The following ASIC2 variants were observed in gnomAD, a reference collection of about 807,000 sequenced individuals.
The protein encoded by ASIC2 is acid-sensing ion channel 2.
In ASIC2, 25 loss-of-function variants were observed where a neutral mutation model predicts 57.3. The ratio of observed to expected loss-of-function variants is 0.44; its 90% CI spans 0.32 to 0.61. The LOEUF is 0.61. Among genes scored for constraint, ASIC2 ranks in the 20% least tolerant of loss-of-function variants. The probability of loss-of-function intolerance (pLI) is 0.06; values close to 1 mark genes in which losing one functional copy is unlikely to be tolerated. For missense variants in ASIC2, 641 were observed against 738.1 expected (o/e 0.87, Z 1.52); for synonymous variants, 319 against 307.5 (o/e 1.04, Z -0.39).
intron 1 of ASIC2, among the ~76,000 whole-genome samples, chr17:33,513,424 T>C (rs1914483220): frequency 1.3e-5 from 2 of 152,264 alleles, no homozygotes; most frequent in South Asian, 4.1e-4. Context: ...CATTACTTTC[T>C]AGATAATGCA....
intron 1 of ASIC2, among the ~76,000 whole-genome samples, chr17:33,583,936 C>T (rs1904529820): frequency 6.6e-6 from 1 of 151,846 alleles, no homozygotes; most frequent in Non-Finnish European, 1.5e-5. Flanking sequence ...CAGACATGTT[C>T]TGGGCTCCTG....
At chr17:33,658,858 C>T (rs2142043187) in intron 1 of ASIC2, among the ~76,000 whole-genome samples, 1 of 152,146 alleles carries the variant, frequency 6.6e-6, no homozygotes, top group South Asian at 2.1e-4. Flanking sequence ...TTAAAATTAG[C>T]CAGCCATGGT....
At chr17:34,066,281 G>C (rs1182412743) in intron 1 of ASIC2, among the ~76,000 whole-genome samples, 1 of 152,200 alleles carries the variant, frequency 6.6e-6, no homozygotes, top group Non-Finnish European at 1.5e-5. Flanking sequence ...GGTTAATTAA[G>C]TCGTTCATCT....
At chr17:33,675,886 T>G (rs537965472) in intron 1 of ASIC2, among the ~76,000 whole-genome samples, 3 of 152,362 alleles carry the variant, frequency 2.0e-5, no homozygotes, top group African/African-American at 7.2e-5. Context: ...CTCATTTTAT[T>G]GCACTTTGCT....
intron 2 of ASIC2, among the ~76,000 whole-genome samples, chr17:33,097,100 T>A (rs1481892143): frequency 2.0e-5 from 3 of 152,230 alleles, no homozygotes; most frequent in Non-Finnish European, 4.4e-5. Context: ...GGCCTGTGCT[T>A]TTTGCCCCCT....
intron 3 of ASIC2, among the ~76,000 whole-genome samples, chr17:33,053,684 A>G (rs756579047): frequency 2.0e-5 from 3 of 152,008 alleles, no homozygotes; most frequent in Non-Finnish European, 4.4e-5. Context: ...AAAATCCAAA[A>G]TCCTTTTCTT....
chr17:33,726,694 G>A (rs984054554), intron 1 of ASIC2, among the ~76,000 whole-genome samples: 120 of 152,316 alleles, frequency 7.9e-4, no homozygotes, highest in African/African-American at 2.7e-3. Context: ...AACACTGGCA[G>A]TCTGGTCCAC....
intron 1 of ASIC2, among the ~76,000 whole-genome samples, chr17:33,123,532 C>T (rs960196117): frequency 6.6e-6 from 1 of 152,124 alleles, no homozygotes; most frequent in Non-Finnish European, 1.5e-5. Flanking sequence ...GATTACAACC[C>T]TATTCTTGCT....
chr17:34,032,640 T>G (rs1452785790), intron 1 of ASIC2, among the ~76,000 whole-genome samples: 1 of 152,258 alleles, frequency 6.6e-6, no homozygotes, highest in East Asian at 1.9e-4. Flanking sequence ...GAGACACACA[T>G]AGGCTCAAAA....
At chr17:33,453,481 G>A (rs570625857) in intron 1 of ASIC2, among the ~76,000 whole-genome samples, 2 of 152,262 alleles carry the variant, frequency 1.3e-5, no homozygotes, top group East Asian at 3.9e-4. Context: ...GGGATGTGAA[G>A]CGGAAGATGT....
At chr17:33,895,155 T>G (rs986622332) in intron 1 of ASIC2, among the ~76,000 whole-genome samples, 2 of 131,852 alleles carry the variant, frequency 1.5e-5, no homozygotes, top group African/African-American at 6.0e-5. Context: ...AGCATTGAAG[T>G]TTTTTTTGCT....
At chr17:34,033,888 A>C (rs1312739863) in intron 1 of ASIC2, among the ~76,000 whole-genome samples, 1 of 152,200 alleles carries the variant, frequency 6.6e-6, no homozygotes, top group African/African-American at 2.4e-5. Context: ...CAACCAAAAA[A>C]AGTCCAGGAC....
At chr17:33,305,122 T>C (rs1179469112) in intron 1 of ASIC2, among the ~76,000 whole-genome samples, 1 of 152,226 alleles carries the variant, frequency 6.6e-6, no homozygotes. Flanking sequence ...GGCATGGTGC[T>C]AGGAACTTTG....
intron 1 of ASIC2, among the ~76,000 whole-genome samples, chr17:33,269,578 G>A (rs1481764555): frequency 1.3e-5 from 2 of 150,926 alleles, no homozygotes; most frequent in African/African-American, 2.4e-5. Flanking sequence ...TGGTTTTTAA[G>A]GTCTTTCATT....
Position 33,899,148 on chromosome 17 carries a change from C to G in ASIC2, c.555+256830G>C, listed in dbSNP as rs1432445566. Among the ~76,000 whole-genome samples the G allele has an allele frequency of 6.7e-5, 10 of 148,442 alleles. No individual in the cohort carries two copies. The East Asian group carries it at 2.0e-3, about 29-fold the overall frequency. ...ATCTCAGGAAAAAAAAAAAAAAGCT[C>G]TAAAGGAACTCCCCAAGAGAAGTTG... On this transcript the variant is annotated intron_variant, in intron 1 of 9. Transcript: ENST00000359872.
At chr17:34,047,579 TG>T (rs1908388063) in intron 1 of ASIC2, among the ~76,000 whole-genome samples, 1 of 150,170 alleles carries the variant, frequency 6.7e-6, no homozygotes, top group Admixed American at 6.7e-5. Context: ...TTCCCACCCC[TG>T]ATTATATCCA....
chr17:33,192,980 G>A (rs1439252484), intron 1 of ASIC2, among the ~76,000 whole-genome samples: 1 of 152,134 alleles, frequency 6.6e-6, no homozygotes, highest in Non-Finnish European at 1.5e-5. Context: ...AAGAAGGATT[G>A]CTCACCACCT....
At chr17:33,343,779 GC>G (rs1907831381) in intron 1 of ASIC2, among the ~76,000 whole-genome samples, 1 of 152,028 alleles carries the variant, frequency 6.6e-6, no homozygotes, top group Non-Finnish European at 1.5e-5. Context: ...ACCAACTCTG[GC>G]TCCTCTCATT....
chr17:34,149,934 C>T (rs550800183), intron 1 of ASIC2, among the ~76,000 whole-genome samples: 1 of 152,220 alleles, frequency 6.6e-6, no homozygotes, highest in South Asian at 2.1e-4. Flanking sequence ...GAGATTCTGC[C>T]CTCCCATGTT....
Sources: gnomAD v4.1 joint callset for allele counts (sites outside exome capture counted in the v4.1 genomes callset) on GRCh38, gnomAD v4.1.1 for gene constraint, MANE v1.5 for transcripts, NCBI Gene and HGNC (gene_info 2026-07-23, HGNC 2026-07-21) for gene names.